The following PAFAH1B1 variants were observed in gnomAD, a reference collection of about 807,000 sequenced individuals.
PAFAH1B1 encodes platelet activating factor acetylhydrolase 1b regulatory subunit 1.
A neutral mutation model predicts 57.5 loss-of-function variants in PAFAH1B1; 2 were observed. The ratio of observed to expected loss-of-function variants is 0.03; its 90% CI spans 0.01 to 0.11. PAFAH1B1 has a LOEUF of 0.11. PAFAH1B1 is among the 10% of genes least tolerant of loss of function. The probability of loss-of-function intolerance (pLI) is 1.00; values close to 1 mark genes in which losing one functional copy is unlikely to be tolerated. For synonymous variants in PAFAH1B1, 152 were observed against 169.6 expected (o/e 0.90, Z 0.81); for missense variants, 257 against 512.0 (o/e 0.50, Z 4.81).
chr17:2,625,275 T>C (rs1448695357), intron 1 of PAFAH1B1, among the ~76,000 whole-genome samples: 1 of 152,248 alleles, frequency 6.6e-6, no homozygotes, highest in African/African-American at 2.4e-5. Flanking sequence ...AATCAGACTC[T>C]TTGAATTTTG....
intron 1 of PAFAH1B1, among the ~76,000 whole-genome samples, chr17:2,608,014 G>C (rs2068225813): frequency 6.6e-6 from 1 of 151,746 alleles, no homozygotes; most frequent in South Asian, 2.1e-4. Context: ...CTGTTTTTTA[G>C]ATGCATTATT....
intron 2 of PAFAH1B1, among the ~76,000 whole-genome samples, chr17:2,663,976 A>G (rs2069058023): frequency 6.6e-6 from 1 of 151,876 alleles, no homozygotes; most frequent in Admixed American, 6.6e-5. Flanking sequence ...TACAGGCGTG[A>G]GCCACCGCTC....
chr17:2,655,619 G>T (rs1330650229), intron 2 of PAFAH1B1, among the ~76,000 whole-genome samples: 1 of 152,142 alleles, frequency 6.6e-6, no homozygotes, highest in South Asian at 2.1e-4. Context: ...CTCCAGCCTA[G>T]GTGACATGGC....
intron 2 of PAFAH1B1, among the ~76,000 whole-genome samples, chr17:2,642,900 A>C (rs1318453449): frequency 6.6e-6 from 1 of 151,986 alleles, no homozygotes; most frequent in Non-Finnish European, 1.5e-5. Context: ...TATATAAACC[A>C]TTATCTATAG....
Position 2,666,999 on chromosome 17 carries a change from A to G in PAFAH1B1, c.200A>G (p.Glu67Gly). The change falls in exon 5 of 11, where the codon GAA becomes GGA. Residue 67 changes from glutamate to glycine, a missense_variant. Glu to Gly is a moderately conservative substitution (Grantham distance 98). Transcript: ENST00000397195. Reference protein sequence around the residue: ...SVIRLQKKVMELESKLNEAKE... With the variant: ...SVIRLQKKVMGLESKLNEAKE... The stretch of plus-strand genomic sequence containing the variant: ...TACATGTTCTTTTTCAAGGTTATGG[A>G]ATTAGAATCAAAGCTAAATGAAGCA... 6.2e-7 allele frequency: 1 copy of G among 1,610,842 alleles called. No homozygotes were observed. The highest frequency in any genetic ancestry group is 8.5e-7 in the Non-Finnish European group (1 of 1,177,034).
Position 2,673,900 on chromosome 17 carries a change from T to C in PAFAH1B1, c.672-160T>C. 4.8e-6 allele frequency: 3 copies of C among 629,712 alleles called. No individual in the cohort carries two copies. The East Asian group carries it at 8.3e-5, about 17-fold the overall frequency. The allele number at this position is 629,712 out of a possible 1,614,324, so 39.0% of individuals were successfully genotyped here. On this transcript the variant is annotated intron_variant, in intron 7 of 10. Coordinates refer to ENST00000397195, the MANE Select transcript of PAFAH1B1 (RefSeq NM_000430.4). ...CCTTAATGATATGTCTGTTAGCTTA[T>C]TGTTCCTACTTTAATTAACCAGGAT...
intron 2 of PAFAH1B1, among the ~76,000 whole-genome samples, chr17:2,662,337 C>A (rs2069026436): frequency 7.0e-6 from 1 of 142,928 alleles, no homozygotes; most frequent in African/African-American, 2.6e-5. Context: ...TAACCATTTT[C>A]TTTTTTATTT....
chr17:2,673,978 C>G, intron 7 of PAFAH1B1, 82 bp from the exon 8 acceptor site: 1 of 956,266 alleles, frequency 1.0e-6, no homozygotes, highest in South Asian at 1.4e-5. Context: ...TTCTCTTCAT[C>G]CCAGTACATA....
chr17:2,599,237 C>A (rs772904055), intron 1 of PAFAH1B1, among the ~76,000 whole-genome samples: 2 of 152,114 alleles, frequency 1.3e-5, no homozygotes, highest in Non-Finnish European at 2.9e-5. Flanking sequence ...GAACTGAAAT[C>A]CAGAGAATTT....
chr17:2,662,038 ATC>A (rs2069021490), intron 2 of PAFAH1B1: 1 of 128,806 alleles, frequency 7.8e-6, no homozygotes, highest in Non-Finnish European at 1.7e-5. Flanking sequence ...AGGAGACTCC[ATC>A]TCAAAAAAAA....
upstream of PAFAH1B1, chr17:2,593,596 C>CGGCGGT: frequency 4.8e-6 from 1 of 207,450 alleles, no homozygotes; most frequent in South Asian, 8.7e-5. Flanking sequence ...TCTGGGGCGG[C>CGGCGGT]GGCGGCGGCG....
intron 1 of PAFAH1B1, among the ~76,000 whole-genome samples, chr17:2,608,162 G>T (rs1223123200): frequency 6.6e-6 from 1 of 151,654 alleles, no homozygotes; most frequent in African/African-American, 2.4e-5. Flanking sequence ...TCAGCTCACT[G>T]CAACCTCCAC....
At chr17:2,640,039 A>G (rs2068675949) in intron 2 of PAFAH1B1, 1 of 152,166 alleles carries the variant, frequency 6.6e-6, no homozygotes, top group Non-Finnish European at 1.5e-5. Context: ...CATTTGCTTT[A>G]TCATTTGCAC....
intron 6 of PAFAH1B1, among the ~76,000 whole-genome samples, chr17:2,671,684 C>T (rs564285639): frequency 2.2e-4 from 33 of 148,438 alleles, no homozygotes; most frequent in Non-Finnish European, 4.4e-4. Flanking sequence ...CTCACTGCAA[C>T]CTCCACCTCC....
chr17:2,601,252 A>G (rs936935427), intron 1 of PAFAH1B1, among the ~76,000 whole-genome samples: 1 of 151,826 alleles, frequency 6.6e-6, no homozygotes, highest in African/African-American at 2.4e-5. Flanking sequence ...TTCCTGCCTC[A>G]GCCTTCTGAA....
At chr17:2,629,499 G>A (rs774822402) in intron 1 of PAFAH1B1, among the ~76,000 whole-genome samples, 3 of 151,970 alleles carry the variant, frequency 2.0e-5, no homozygotes, top group African/African-American at 7.2e-5. Flanking sequence ...ATTGATGCTC[G>A]TTTTGTGGTC....
chr17:2,648,350 A>T (rs919668150), intron 2 of PAFAH1B1, among the ~76,000 whole-genome samples: 2 of 151,786 alleles, frequency 1.3e-5, no homozygotes, highest in African/African-American at 2.4e-5. Context: ...ACCAAGTATA[A>T]TTTTTCCCGT....
rs567279644 is a variant in PAFAH1B1 at position 2,668,646 on chromosome 17, T to G, written c.399+1448T>G. Among the ~76,000 whole-genome samples, 6 of 152,038 alleles carry G rather than the reference T, an allele frequency of 3.9e-5. No individual in the cohort carries two copies. In the East Asian group the frequency reaches 1.2e-3, roughly 29 times the overall value. ...GTGAGCTATGATTGAGCCAGTGTAC[T>G]CCAGCCTGGGCGAAGAGTGAGACCC... On this transcript the variant is annotated intron_variant, in intron 5 of 10. Transcript: ENST00000397195.
chr17:2,638,816 G>A (rs951839722), intron 2 of PAFAH1B1, among the ~76,000 whole-genome samples: 1 of 151,118 alleles, frequency 6.6e-6, no homozygotes, highest in Non-Finnish European at 1.5e-5. Flanking sequence ...CCGTGATACA[G>A]CATTATTCAC....
Sources: gnomAD v4.1 joint callset for allele counts (sites outside exome capture counted in the v4.1 genomes callset) on GRCh38, gnomAD v4.1.1 for gene constraint, MANE v1.5 for transcripts, NCBI Gene and HGNC (gene_info 2026-07-23, HGNC 2026-07-21) for gene names.